The following PASD1 variants were observed in gnomAD, a reference collection of about 807,000 sequenced individuals.
The protein encoded by PASD1 is circadian clock protein PASD1.
Under a neutral mutation model 58.8 loss-of-function variants are expected in PASD1, and 13 were observed. That is an observed-to-expected ratio of 0.22 (90% CI 0.14 to 0.35). PASD1 has a LOEUF of 0.35. PASD1 is among the 10% of genes least tolerant of loss of function. The pLI, the probability that PASD1 is intolerant of heterozygous loss-of-function variation, is 1.00. For missense variants in PASD1, 734 were observed against 568.3 expected (o/e 1.29, Z -2.96); for synonymous variants, 236 against 216.7 (o/e 1.09, Z -0.78).
chrX:151,600,824 C>T (rs532418965), intron 1 of PASD1, among the ~76,000 whole-genome samples: 9 of 111,806 alleles, frequency 8.0e-5, no homozygotes, highest in East Asian at 2.8e-4. Flanking sequence ...TGCTCAGTAC[C>T]GTTCCAGTGT....
intron 10 of PASD1, 43 bp downstream of exon 10, chrX:151,659,879 A>G (rs145364667): frequency 4.8e-4 from 559 of 1,159,811 alleles, no homozygotes; most frequent in Middle Eastern, 3.3e-3. Context: ...TTAGAAGAAA[A>G]ACAGTGACCC....
intron 4 of PASD1, among the ~76,000 whole-genome samples, chrX:151,615,634 G>A (rs1190734399): frequency 9.0e-6 from 1 of 111,309 alleles, no homozygotes; most frequent in Non-Finnish European, 1.9e-5. Context: ...ATAAAATGGA[G>A]ACTGAACCAT....
At chrX:151,566,394 G>A (rs748388291) in intron 1 of PASD1, among the ~76,000 whole-genome samples, 1 of 111,999 alleles carries the variant, frequency 8.9e-6, no homozygotes, top group South Asian at 3.8e-4. Flanking sequence ...AATAACTCTG[G>A]AAGGAGAAGG....
intron 10 of PASD1, among the ~76,000 whole-genome samples, chrX:151,661,110 T>A (rs1163359932): frequency 1.8e-5 from 2 of 110,007 alleles, no homozygotes; most frequent in Non-Finnish European, 3.8e-5. Flanking sequence ...AGCCGAGCTC[T>A]TGCCACTGCA....
intron 8 of PASD1, among the ~76,000 whole-genome samples, chrX:151,626,057 ATTT>A (rs2013782844): frequency 8.9e-6 from 1 of 112,218 alleles, no homozygotes; most frequent in African/African-American, 3.2e-5. Flanking sequence ...TTGGCTTTTT[ATTT>A]TTTATTTTTT....
intron 1 of PASD1, among the ~76,000 whole-genome samples, chrX:151,590,765 G>A (rs1001576177): frequency 1.8e-5 from 2 of 109,572 alleles, no homozygotes; most frequent in Non-Finnish European, 3.8e-5. Flanking sequence ...TATTTTCACC[G>A]TGTTGCCCAG....
At chrX:151,662,937 C>T (rs769499622) in intron 10 of PASD1, among the ~76,000 whole-genome samples, 1 of 111,695 alleles carries the variant, frequency 9.0e-6, no homozygotes, top group South Asian at 3.8e-4. Flanking sequence ...GAAGTTCCTG[C>T]GTTAGCTTCT....
rs145806898 is a variant in PASD1, at chrX:151,613,944, C to T, written c.207+2191C>T. On this transcript the variant is annotated intron_variant, in intron 4 of 15. Transcript: ENST00000370357. The stretch of plus-strand genomic sequence containing the variant: ...GCCCAATCTCTGCTTCATAGACATC[C>T]TTATTCTTACTATAACTTCATATAG... 9.9e-3 allele frequency among the ~76,000 whole-genome samples: 1,097 copies of T among 110,563 alleles called. 18 individuals carry two copies. The highest frequency in any genetic ancestry group is 0.035 in the African/African-American group (1,054 of 30,371).
At chrX:151,607,393 G>A (rs183307347) in intron 3 of PASD1, among the ~76,000 whole-genome samples, 1 of 111,742 alleles carries the variant, frequency 8.9e-6, no homozygotes, top group Non-Finnish European at 1.9e-5. Context: ...ATCTGTTTTA[G>A]CTCATGCTCC....
At chrX:151,588,852 C>T (rs977408786) in intron 1 of PASD1, among the ~76,000 whole-genome samples, 4 of 111,615 alleles carry the variant, frequency 3.6e-5, no homozygotes, top group African/African-American at 1.3e-4. Flanking sequence ...TCAATTAGGC[C>T]CAGAAACTCC....
chrX:151,638,908 T>C, intron 8 of PASD1, among the ~76,000 whole-genome samples: 1 of 112,140 alleles, frequency 8.9e-6, no homozygotes, highest in Non-Finnish European at 1.9e-5. Context: ...TATATGGATG[T>C]CCAGTTGTTC....
chrX:151,671,438 A>G (rs2014467192), intron 12 of PASD1, 135 bp from the exon 13 acceptor site: 2 of 836,745 alleles, frequency 2.4e-6, no homozygotes, highest in South Asian at 5.0e-5. Flanking sequence ...TGGCAATGGT[A>G]GATGTGGCTT....
intron 2 of PASD1, 149 bp from the exon 3 acceptor site, chrX:151,604,497 G>A (rs969168426): frequency 2.3e-6 from 1 of 430,718 alleles, no homozygotes; most frequent in Admixed American, 4.0e-5. Context: ...TATACAATTA[G>A]TTAGCCAACA....
chrX:151,659,567 G>A (rs755230165), intron 9 of PASD1, 146 bp from the exon 10 acceptor site: 3 of 526,952 alleles, frequency 5.7e-6, no homozygotes, highest in Non-Finnish European at 8.8e-6. Flanking sequence ...GGTATTTGAT[G>A]ATGATTTTTG....
intron 1 of PASD1, among the ~76,000 whole-genome samples, chrX:151,576,459 A>G (rs1012381077): frequency 8.9e-6 from 1 of 112,744 alleles, no homozygotes; most frequent in Admixed American, 9.4e-5. Flanking sequence ...TGTAGCATCA[A>G]TAATAAAATT....
intron 1 of PASD1, among the ~76,000 whole-genome samples, chrX:151,594,105 C>T (rs2013285719): frequency 9.0e-6 from 1 of 110,645 alleles, no homozygotes; most frequent in Non-Finnish European, 1.9e-5. Context: ...TCCTGAGCAG[C>T]TGGGACTACA....
intron 4 of PASD1, among the ~76,000 whole-genome samples, chrX:151,617,943 T>C (rs1018436904): frequency 3.6e-5 from 4 of 112,192 alleles, no homozygotes; most frequent in African/African-American, 6.5e-5. Flanking sequence ...AGCAATTGTT[T>C]ATCGTGTGTT....
At chrX:151,610,446 C>T (rs764750024) in intron 3 of PASD1, among the ~76,000 whole-genome samples, 10 of 110,904 alleles carry the variant, frequency 9.0e-5, no homozygotes, top group Non-Finnish European at 1.7e-4. Flanking sequence ...ATTTCTAGTG[C>T]CCTGTGTTAT....
intron 11 of PASD1, among the ~76,000 whole-genome samples, chrX:151,668,175 G>A (rs908431117): frequency 3.6e-5 from 4 of 111,489 alleles, no homozygotes; most frequent in Non-Finnish European, 5.6e-5. Flanking sequence ...TTTGAGATAC[G>A]TCCCATCGAT....
Sources: gnomAD v4.1 joint callset for allele counts (sites outside exome capture counted in the v4.1 genomes callset) on GRCh38, gnomAD v4.1.1 for gene constraint, MANE v1.5 for transcripts, NCBI Gene and HGNC (gene_info 2026-07-23, HGNC 2026-07-21) for gene names.